DNAJB4: variants seen among roughly 807,000 people sequenced by gnomAD.
DNAJB4 encodes the protein dnaJ homolog subfamily B member 4.
In DNAJB4, 10 loss-of-function variants were observed where a neutral mutation model predicts 26.6. The observed-to-expected ratio is 0.38, with a 90% CI of 0.23 to 0.64. The LOEUF is 0.64. DNAJB4 is among the 30% of genes least tolerant of loss of function. The pLI is 0.58. For synonymous variants in DNAJB4, 136 were observed against 134.8 expected, an observed-to-expected ratio of 1.01 and a Z score of -0.06; for missense variants, 328 against 408.2, an observed-to-expected ratio of 0.80 and a Z score of 1.69.
intron 1 of DNAJB4, among the ~76,000 whole-genome samples, chr1:77,991,074 C>T (rs1293290894): frequency 2.0e-5 from 3 of 152,140 alleles, no homozygotes; most frequent in African/African-American, 4.8e-5. Context: ...TTGGGCTTCA[C>T]AGAAGCCCAT....
At chr1:78,001,267 G>T (rs140951933), upstream of DNAJB4, among the ~76,000 whole-genome samples, 18 of 151,944 alleles carry the variant, frequency 1.2e-4, 1 homozygote, top group East Asian at 3.3e-3. Flanking sequence ...TTGAGCCTAG[G>T]AGTTCAAGGG....
intron 1 of DNAJB4, among the ~76,000 whole-genome samples, chr1:77,990,544 T>C (rs1659907499): frequency 6.6e-6 from 1 of 152,258 alleles, no homozygotes; most frequent in African/African-American, 2.4e-5. Flanking sequence ...TAACTAGGAA[T>C]GCAGTCTTAT....
chr1:77,999,744 G>A (rs1027234934), intron 1 of DNAJB4, among the ~76,000 whole-genome samples: 2 of 152,084 alleles, frequency 1.3e-5, no homozygotes, highest in Admixed American at 6.6e-5. Context: ...TTGTGAGTTA[G>A]GTATTCAGAT....
intron 1 of DNAJB4, among the ~76,000 whole-genome samples, chr1:77,988,005 TTATATA>T (rs959650040): frequency 6.8e-6 from 1 of 148,016 alleles, no homozygotes; most frequent in Non-Finnish European, 1.5e-5. Flanking sequence ...TATGCATACA[TTATATA>T]TATATGTGTG....
At chr1:78,004,660 A>G (rs28362661), upstream of DNAJB4, 1,142 of 163,650 alleles carry the variant, frequency 7.0e-3, 54 homozygotes, top group East Asian at 0.098. Context: ...GTACATAAAT[A>G]TATAGTTGTG....
At chr1:78,008,207 G>GA (rs1175902775) in intron 1 of DNAJB4, among the ~76,000 whole-genome samples, 1 of 151,446 alleles carries the variant, frequency 6.6e-6, no homozygotes, top group East Asian at 1.9e-4. Flanking sequence ...GCAAAGGAAA[G>GA]AAAAAAAATA....
At chr1:77,979,179 T>A, upstream of DNAJB4, 1 of 642,860 alleles carries the variant, frequency 1.6e-6, no homozygotes, top group Non-Finnish European at 2.7e-6. Flanking sequence ...GGCAACGCGC[T>A]GGTGTGGGTT....
chr1:78,011,397 A>ATCTAGTGTCTAGAGTAGGAATGAC (rs1233313832), intron 1 of DNAJB4, among the ~76,000 whole-genome samples: 1 of 152,190 alleles, frequency 6.6e-6, no homozygotes, highest in Non-Finnish European at 1.5e-5. Flanking sequence ...TAGGAATGAC[A>ATCTAGTGTCTAGAGTAGGAATGAC]ATCGTAGTGT....
At chr1:77,992,270 G>A (rs981414123) in intron 1 of DNAJB4, among the ~76,000 whole-genome samples, 10 of 150,720 alleles carry the variant, frequency 6.6e-5, no homozygotes, top group East Asian at 1.9e-4. Flanking sequence ...AAAATTAGCC[G>A]GGCGTAGTGG....
intron 1 of DNAJB4, among the ~76,000 whole-genome samples, chr1:77,992,431 A>AAAT (rs1659954212): frequency 6.6e-6 from 1 of 150,588 alleles, no homozygotes; most frequent in Non-Finnish European, 1.5e-5. Flanking sequence ...AAAAAAAAAA[A>AAAT]AAAAAAGAAC....
chr1:77,989,492 T>C (rs1659882862), intron 1 of DNAJB4, among the ~76,000 whole-genome samples: 1 of 152,218 alleles, frequency 6.6e-6, no homozygotes, highest in South Asian at 2.1e-4. Flanking sequence ...ATTCTAGCTT[T>C]TATTGGTCAC....
chr1:78,013,287 G>C lies in DNAJB4; in HGVS notation c.448G>C (p.Gly150Arg), dbSNP rs572512049. The C allele has an allele frequency of 1.3e-5, 21 of 1,614,024 alleles. No individual in the cohort carries two copies. The highest frequency in any genetic ancestry group is 2.7e-5 in the African/African-American group (2 of 75,014). Reference sequence around the variant, plus strand: ...ATATCCAAGAGACAGGAATTCTGTGGGGCCATCCCGCCTCAAACAAGATCC... The same window carrying C: ...ATATCCAAGAGACAGGAATTCTGTGCGGCCATCCCGCCTCAAACAAGATCC... ...NGYPRDRNSV[G>R]PSRLKQDPPV... The change falls in exon 2 of 3, where the codon GGG becomes CGG. Residue 150 changes from glycine to arginine, a missense_variant. Coordinates refer to ENST00000370763, the MANE Select transcript of DNAJB4 (RefSeq NM_007034.5).
At chr1:78,014,480 T>G (rs1660580216) in intron 2 of DNAJB4, among the ~76,000 whole-genome samples, 1 of 152,204 alleles carries the variant, frequency 6.6e-6, no homozygotes, top group Admixed American at 6.5e-5. Context: ...TTCAAATTCT[T>G]AAATTGCTCT....
upstream of DNAJB4, among the ~76,000 whole-genome samples, chr1:78,001,714 G>A (rs1056654403): frequency 2.6e-5 from 4 of 152,134 alleles, no homozygotes; most frequent in African/African-American, 9.7e-5. Flanking sequence ...TTTTAGTAGA[G>A]ATAAGGTCTC....
intron 1 of DNAJB4, among the ~76,000 whole-genome samples, chr1:77,994,891 A>C (rs1315344679): frequency 6.6e-6 from 1 of 152,176 alleles, no homozygotes; most frequent in Non-Finnish European, 1.5e-5. Flanking sequence ...TTCACCTGTT[A>C]AGACTTTATT....
chr1:77,980,683 AATAT>A (rs935470945), intron 1 of DNAJB4, among the ~76,000 whole-genome samples: 1 of 152,154 alleles, frequency 6.6e-6, no homozygotes, highest in South Asian at 2.1e-4. Flanking sequence ...AATTGTGAGA[AATAT>A]ATATATGCTG....
At chr1:78,014,225 G>A (rs145432033) in intron 2 of DNAJB4, among the ~76,000 whole-genome samples, 1,773 of 150,618 alleles carry the variant, frequency 0.012, 34 homozygotes, top group African/African-American at 0.042. Flanking sequence ...CTCTTGCCTC[G>A]GCCTCCTAAG....
At position 78,013,077 on chromosome 1, in the gene DNAJB4, G is replaced by C. The variant is rs1660534585; in HGVS notation, c.238G>C (p.Asp80His). The change falls in exon 2 of 3, where the codon GAT becomes CAT. Residue 80 changes from aspartate (D) to histidine (H), a missense_variant. Physicochemically the swap from Asp to His is moderately conservative, Grantham distance 81 (BLOSUM62 -1). Transcript: ENST00000370763. ...GTTGAAAGGAGGAGCAGGAGGTACT[G>C]ATGGACAAGGAGGTACCTTCCGGTA... Reference protein sequence around the residue: ...EGLKGGAGGTDGQGGTFRYTF... With the variant: ...EGLKGGAGGTHGQGGTFRYTF... 1 of 1,611,710 alleles carries C rather than the reference G, an allele frequency of 6.2e-7. No homozygotes were observed.
intron 1 of DNAJB4, among the ~76,000 whole-genome samples, chr1:77,997,838 A>G (rs1660098662): frequency 6.6e-6 from 1 of 151,386 alleles, no homozygotes; most frequent in East Asian, 1.9e-4. Flanking sequence ...CCCAGTTTGG[A>G]GTATAGTGGC....
Sources: gnomAD v4.1 joint callset for allele counts (sites outside exome capture counted in the v4.1 genomes callset) on GRCh38, gnomAD v4.1.1 for gene constraint, MANE v1.5 for transcripts, NCBI Gene and HGNC (gene_info 2026-07-23, HGNC 2026-07-21) for gene names.